The following IGF1R variants were observed in gnomAD, a reference collection of about 807,000 sequenced individuals.
IGF1R encodes the protein insulin-like growth factor 1 receptor.
A neutral mutation model predicts 144.6 loss-of-function variants in IGF1R; 44 were observed. That is an observed-to-expected ratio of 0.30 (90% confidence interval 0.24 to 0.39). IGF1R has a LOEUF of 0.39. IGF1R is among the 10% of genes least tolerant of loss of function. IGF1R has a pLI of 1.00. For synonymous variants in IGF1R, 795 were observed against 722.8 expected (o/e 1.10, Z -1.60); for missense variants, 1,355 against 1,833.7 (o/e 0.74, Z 4.77).
intron 20 of IGF1R, among the ~76,000 whole-genome samples, chr15:98,953,978 C>T (rs187097691): frequency 1.4e-4 from 21 of 152,268 alleles, no homozygotes; most frequent in Non-Finnish European, 2.5e-4. Flanking sequence ...GTTCCTAAGA[C>T]GACCCTTACT....
rs111991115 is a variant in IGF1R at position 98,737,283 on chromosome 15, T to G, written c.640+29176T>G. ...CGTCTTGGGAACCCCAGCGTGGCAT[T>G]CTCTCTGGGGCAGCATGTTGAAGTG... On this transcript the variant is annotated intron_variant, in intron 2 of 20. Transcript: ENST00000650285. Among the ~76,000 whole-genome samples the G allele has an allele frequency of 2.0e-5, 3 of 152,296 alleles. 1 individual carries two copies. The highest frequency in any genetic ancestry group is 7.2e-5 in the African/African-American group (3 of 41,566).
rs1325574904 is a variant in IGF1R, at chr15:98,846,571, C to T, written c.641-44754C>T. ...ATGGTTACCTCTTCATGATACCACA[C>T]GGTGATGGTAACAGAGGCACTGTCC... is the stretch of plus-strand genomic sequence containing the variant. On this transcript the variant is annotated intron_variant, in intron 2 of 20. Coordinates refer to ENST00000650285, the MANE Select transcript of IGF1R (RefSeq NM_000875.5). Among the ~76,000 whole-genome samples the T allele has an allele frequency of 3.9e-5, 6 of 152,210 alleles. 1 individual carries two copies. The highest frequency in any genetic ancestry group is 2.6e-4 in the Admixed American group (4 of 15,284).
At chr15:98,661,575 A>G (rs1195461282) in intron 1 of IGF1R, among the ~76,000 whole-genome samples, 2 of 152,220 alleles carry the variant, frequency 1.3e-5, no homozygotes, top group African/African-American at 4.8e-5. Flanking sequence ...ACTTAGCTGG[A>G]CAGCCTGGCC....
Position 98,935,088 on chromosome 15 carries a change from A to G in IGF1R, c.3186+35A>G, listed in dbSNP as rs367813702. 1.1e-5 allele frequency: 16 copies of G among 1,517,272 alleles called. 1 individual carries two copies. The highest frequency in any genetic ancestry group is 3.4e-5 in the South Asian group (3 of 88,846). The allele number at this position is 1,517,272 out of a possible 1,614,324, so 94.0% of individuals were successfully genotyped here. A position where few individuals can be genotyped will look rare whatever the true frequency, so the allele number is the denominator to read the frequency against. ...AGTTCCTGAAAAGCCAAAATGCAGC[A>G]CAGGGAGAGGGTATCACACAAGCCT... On this transcript the variant is annotated intron_variant, in intron 16 of 20. Transcript: ENST00000650285. This position sits in a 1 kb window ranked among gnomAD's most constrained non-coding sequence, Gnocchi z 4.2.
chr15:98,843,987 G>A (rs980139543), intron 2 of IGF1R, among the ~76,000 whole-genome samples: 1 of 152,176 alleles, frequency 6.6e-6, no homozygotes, highest in Non-Finnish European at 1.5e-5. Context: ...GAGCAGATGG[G>A]CTTGTTTGCT....
At chr15:98,695,470 C>G (rs549570086) in intron 1 of IGF1R, among the ~76,000 whole-genome samples, 14 of 152,220 alleles carry the variant, frequency 9.2e-5, no homozygotes, top group Non-Finnish European at 1.8e-4. Flanking sequence ...GCGGAATTTT[C>G]TACCCCTAGA....
Position 98,704,380 on chromosome 15 carries a change from G to A in IGF1R, c.95-3182G>A, listed in dbSNP as rs1444282247. ...GAGAATGGGGCAGCCTCCTGAAGGA[G>A]CAGAAGCACTGTGGGCGGCAGGGTA... On this transcript the variant is annotated intron_variant, in intron 1 of 20. Transcript: ENST00000650285. The surrounding 1 kb of genome is among the most constrained non-coding windows in gnomAD (Gnocchi z 4.9). Among the ~76,000 whole-genome samples, 1 of 152,092 alleles carries A rather than the reference G, an allele frequency of 6.6e-6. No individual in the cohort carries two copies. Among genetic ancestry groups the A allele is most frequent in the Non-Finnish European group, 1.5e-5 (1 of 68,026 alleles).
At chr15:98,839,144 C>G (rs942413693) in intron 2 of IGF1R, among the ~76,000 whole-genome samples, 2 of 152,234 alleles carry the variant, frequency 1.3e-5, no homozygotes, top group African/African-American at 4.8e-5. Flanking sequence ...TCATTCAGCC[C>G]TTACTCTATG....
chr15:98,776,378 G>A (rs764348037), intron 2 of IGF1R, among the ~76,000 whole-genome samples: 1 of 151,912 alleles, frequency 6.6e-6, no homozygotes, highest in East Asian at 1.9e-4. Context: ...TGGAGATGGG[G>A]TTTTGCCATG....
intron 1 of IGF1R, among the ~76,000 whole-genome samples, chr15:98,691,248 T>C (rs1057205946): frequency 3.9e-5 from 6 of 152,206 alleles, no homozygotes; most frequent in Admixed American, 1.3e-4. Flanking sequence ...TCACCTCTTC[T>C]GGTCTGTGAC....
At chr15:98,724,332 G>C (rs1319075901) in intron 2 of IGF1R, among the ~76,000 whole-genome samples, 1 of 152,168 alleles carries the variant, frequency 6.6e-6, no homozygotes, top group Non-Finnish European at 1.5e-5. Context: ...TTTCATGGAG[G>C]GGAGAGGTTG....
At chr15:98,659,747 TATTTG>T (rs1219267569) in intron 1 of IGF1R, among the ~76,000 whole-genome samples, 1 of 152,170 alleles carries the variant, frequency 6.6e-6, no homozygotes, top group African/African-American at 2.4e-5. Context: ...AGCTCCAAAA[TATTTG>T]AGATTAGAGA....
At position 98,796,685 on chromosome 15, in the gene IGF1R, C is replaced by CT. The variant is rs201713888; in HGVS notation, c.640+88580dup. Among the ~76,000 whole-genome samples the CT allele has an allele frequency of 1.1e-3, 161 of 152,286 alleles. 2 individuals carry two copies. The East Asian group carries it at 0.029, about 27-fold the overall frequency. On this transcript the variant is annotated intron_variant, in intron 2 of 20. Coordinates refer to ENST00000650285, the MANE Select transcript of IGF1R (RefSeq NM_000875.5). ...ACAGCACTTATTTTCTAACATATGA[C>CT]TTAATTTACTTAATAATTGTGTCTA...
At chr15:98,871,100 G>A (rs1265189342) in intron 2 of IGF1R, among the ~76,000 whole-genome samples, 2 of 152,220 alleles carry the variant, frequency 1.3e-5, no homozygotes, top group African/African-American at 4.8e-5. Context: ...GTTCTTGCTT[G>A]CAACTCAGAT....
chr15:98,669,504 G>A (rs1269310227), intron 1 of IGF1R, among the ~76,000 whole-genome samples: 1 of 152,186 alleles, frequency 6.6e-6, no homozygotes, highest in Non-Finnish European at 1.5e-5. Context: ...GGTCATATGT[G>A]CTGGCTGCTA....
rs183393152 is a variant in IGF1R at position 98,867,070 on chromosome 15, T to G, written c.641-24255T>G. Among the ~76,000 whole-genome samples, 28 of 152,034 alleles carry G rather than the reference T, an allele frequency of 1.8e-4. No individual in the cohort carries two copies. The East Asian group carries it at 5.4e-3, about 29-fold the overall frequency. ...CAAGGAGGCAGACACCAATGGCGCC[T>G]CTCACAATGGAGGTTTATTTTTTTT... On this transcript the variant is annotated intron_variant, in intron 2 of 20. Coordinates refer to ENST00000650285, the MANE Select transcript of IGF1R (RefSeq NM_000875.5).
intron 2 of IGF1R, among the ~76,000 whole-genome samples, chr15:98,850,315 G>C (rs578142852): frequency 1.0e-3 from 153 of 152,366 alleles, no homozygotes; most frequent in African/African-American, 3.5e-3. Context: ...CACAGACACA[G>C]AGGAGGCCTT....
chr15:98,903,960 T>C (rs185402010), intron 5 of IGF1R, among the ~76,000 whole-genome samples: 1 of 152,160 alleles, frequency 6.6e-6, no homozygotes, highest in East Asian at 1.9e-4. Flanking sequence ...ATGAGGGAAC[T>C]CTTGGATGAT....
intron 2 of IGF1R, among the ~76,000 whole-genome samples, chr15:98,724,738 G>A (rs2076003154): frequency 1.3e-5 from 2 of 152,164 alleles, no homozygotes; most frequent in Non-Finnish European, 2.9e-5. Flanking sequence ...GTCACTGAAG[G>A]TACCTTGTGT....
Sources: allele counts gnomAD v4.1 joint callset (sites outside exome capture counted in the v4.1 genomes callset), GRCh38; gene constraint gnomAD v4.1.1; non-coding constraint Gnocchi (gnomAD v3.1); transcripts MANE v1.5; gene names NCBI Gene and HGNC (gene_info 2026-07-23, HGNC 2026-07-21).